Variants in LHX6 observed in about 807,000 individuals in gnomAD.
The protein encoded by LHX6 is LIM/homeobox protein Lhx6.
LHX6 carries 15 observed loss-of-function variants against 47.1 expected under a neutral mutation model. The observed-to-expected ratio is 0.32, with a 90% CI of 0.21 to 0.49. LHX6 has a LOEUF of 0.49. Among genes scored for constraint, LHX6 ranks in the 20% least tolerant of loss-of-function variants. The pLI is 0.99. For missense variants in LHX6, 404 were observed against 539.6 expected, an observed-to-expected ratio of 0.75 and a Z score of 2.49; for synonymous variants, 242 against 233.5, an observed-to-expected ratio of 1.04 and a Z score of -0.33.
chr9:122,214,397 A>G lies in LHX6; in HGVS notation c.683-14T>C. The G allele has an allele frequency of 6.4e-7, 1 of 1,551,534 alleles. No homozygotes were observed. Among genetic ancestry groups the G allele is most frequent in the South Asian group, 1.2e-5 (1 of 83,506 alleles). On this transcript the variant is annotated splice_polypyrimidine_tract_variant and intron_variant, in intron 5 of 9. Coordinates refer to ENST00000394319, the MANE Select transcript of LHX6 (RefSeq NM_014368.5). The surrounding 1 kb of genome is among the most constrained non-coding windows in gnomAD (Gnocchi z 4.6). ...TGAGGCCGTTCCCTGGGGGCGATAG[A>G]AGCAGCTGACCACGCGTCCCCATCT... is the stretch of plus-strand genomic sequence containing the variant.
At chr9:122,221,308 C>A (rs1830845589) in intron 4 of LHX6, 1 of 985,392 alleles carries the variant, frequency 1.0e-6, no homozygotes. Context: ...TCCCCCAGCT[C>A]CCCTCTCGGC....
rs938530051 is a variant in LHX6, at chr9:122,203,585, A to C, written c.*1175T>G. ...TGAGCCCTTTTGTTTGGGGTGGAAGAGTTGTAGCAGGATGGATGTTACGCA... is the reference window on the plus strand; with the variant it reads ...TGAGCCCTTTTGTTTGGGGTGGAAGCGTTGTAGCAGGATGGATGTTACGCA... On this transcript the variant is annotated 3_prime_UTR_variant, in exon 10 of 10. Coordinates refer to ENST00000394319, the MANE Select transcript of LHX6 (RefSeq NM_014368.5). 12 of 152,608 alleles carry C rather than the reference A, an allele frequency of 7.9e-5. No homozygotes were observed. Among genetic ancestry groups the C allele is most frequent in the Non-Finnish European group, 1.0e-4 (7 of 68,086 alleles). The allele number at this position is 152,608 out of a possible 1,614,324, so 9.5% of individuals were successfully genotyped here. A position where few individuals can be genotyped will look rare whatever the true frequency, so the allele number is the denominator to read the frequency against.
chr9:122,202,781 T>C lies in LHX6; in HGVS notation c.*1979A>G, dbSNP rs190568182. 1 of 152,722 alleles carries C rather than the reference T, an allele frequency of 6.5e-6. No homozygotes were observed. The highest frequency in any genetic ancestry group is 1.9e-4 in the East Asian group (1 of 5,188). The allele number at this position is 152,722 out of a possible 1,614,324, so 9.5% of individuals were successfully genotyped here. On this transcript the variant is annotated 3_prime_UTR_variant, in exon 10 of 10. Coordinates refer to ENST00000394319, the MANE Select transcript of LHX6 (RefSeq NM_014368.5). ...CTTGATGGCCTGTACGTTCCCAGGC[T>C]GCTCTTAACAGGGTAGTGGAGACAT...
rs559523868 is a variant in LHX6 at position 122,210,691 on chromosome 9, A to G, written c.1055-974T>C. On this transcript the variant is annotated intron_variant, in intron 8 of 9. Coordinates refer to ENST00000394319, the MANE Select transcript of LHX6 (RefSeq NM_014368.5). ...ATTCTCCCACCTTAGCCTCCTGAGT[A>G]GCTGGGACTACTGGCATGTACCATC... Among the ~76,000 whole-genome samples, 4 of 152,294 alleles carry G rather than the reference A, an allele frequency of 2.6e-5. No homozygotes were observed. In the South Asian group the frequency reaches 8.3e-4, roughly 32 times the overall value.
intron 1 of LHX6, chr9:122,228,313 C>T (rs775213575): frequency 6.5e-7 from 1 of 1,534,738 alleles, no homozygotes. Flanking sequence ...GTACCGGCCC[C>T]GCGTCGGGAT....
At chr9:122,209,589 C>T in intron 9 of LHX6, 25 bp downstream of exon 9, 1 of 1,613,644 alleles carries the variant, frequency 6.2e-7, no homozygotes, top group Non-Finnish European at 8.5e-7. Flanking sequence ...CTCTGACCCA[C>T]CAGACCCAAC....
At chr9:122,215,017 C>T (rs1439613670) in intron 5 of LHX6, among the ~76,000 whole-genome samples, 1 of 152,206 alleles carries the variant, frequency 6.6e-6, no homozygotes, top group Non-Finnish European at 1.5e-5. Flanking sequence ...TAGATATTCT[C>T]TTTCCACTCA....
At chr9:122,208,834 TAAAAAAA>T (rs34355404) in intron 9 of LHX6, among the ~76,000 whole-genome samples, 5 of 117,286 alleles carry the variant, frequency 4.3e-5, no homozygotes, top group Non-Finnish European at 5.2e-5. Context: ...AAACTCTGTC[TAAAAAAA>T]AAAAAAAAAA....
intron 4 of LHX6, among the ~76,000 whole-genome samples, chr9:122,225,550 G>A (rs1342613366): frequency 6.6e-6 from 1 of 152,274 alleles, no homozygotes; most frequent in African/African-American, 2.4e-5. Flanking sequence ...CTGCAGTAGG[G>A]AGAGCGCAGC....
rs41273919 is a variant in LHX6, at chr9:122,209,667, G to C, written c.1105C>G (p.Pro369Ala). 1 of 1,338,984 alleles carries C rather than the reference G, an allele frequency of 7.5e-7. No individual in the cohort carries two copies. The highest frequency in any genetic ancestry group is 1.1e-6 in the Non-Finnish European group (1 of 928,418). 82.9% of individuals were successfully genotyped at this position (1,338,984 alleles called of 1,614,324 possible). Residue 369 changes from proline (P) to alanine (A), a missense_variant, in exon 9 of 10, where the codon CCC becomes GCC. This residue lies in a region of LHX6 where 127 missense variants were observed against 116.1 expected (regional missense o/e 1.09). Transcript: ENST00000394319. ...VHCRLPYTAP[P>A]VHLKADMDGP... is the part of the protein sequence containing the mutation. ...TCCATATCGGCTTTGAGGTGGACGG[G>C]GGGTGCGGTGTAAGGCAGCCGGCAG...
chr9:122,213,815 G>C lies in LHX6; in HGVS notation c.880-35C>G. The C allele has an allele frequency of 3.9e-6, 6 of 1,556,616 alleles. No homozygotes were observed. Among genetic ancestry groups the C allele is most frequent in the Non-Finnish European group, 5.2e-6 (6 of 1,151,178 alleles). On this transcript the variant is annotated intron_variant, in intron 7 of 9. Coordinates refer to ENST00000394319, the MANE Select transcript of LHX6 (RefSeq NM_014368.5). This position sits in a 1 kb window ranked among gnomAD's most constrained non-coding sequence, Gnocchi z 5.5. ...CAGCCTCGGCAGCCTCAGCCTCGAG[G>C]AAAAGAGTCGGACGCGCCGCCGGGA...
chr9:122,226,365 C>T lies in LHX6; in HGVS notation c.461+11G>A, dbSNP rs780613956. On this transcript the variant is annotated intron_variant, in intron 4 of 9. Transcript: ENST00000394319. This position sits in a 1 kb window ranked among gnomAD's most constrained non-coding sequence, Gnocchi z 6.5. ...CTCGGCGACACTGCTGGCTCGGCGG[C>T]CGCAGCCTACCTGAAGTAGTCCATC... The T allele has an allele frequency of 1.9e-6, 3 of 1,606,282 alleles. No homozygotes were observed. Among genetic ancestry groups the T allele is most frequent in the Admixed American group, 3.4e-5 (2 of 58,956 alleles).
At chr9:122,228,107 C>T (rs1588367955) in intron 1 of LHX6, 2 of 564,044 alleles carry the variant, frequency 3.5e-6, no homozygotes, top group Middle Eastern at 5.0e-4. Flanking sequence ...GGTGAGCACC[C>T]GCCCGCCCGC....
In LHX6 at chr9:122,228,671, G is replaced by T; in HGVS notation, c.70C>A (p.Pro24Thr). 1 of 1,287,300 alleles carries T rather than the reference G, an allele frequency of 7.8e-7. No individual in the cohort carries two copies. The highest frequency in any genetic ancestry group is 9.8e-7 in the Non-Finnish European group (1 of 1,018,458). The allele number at this position is 1,287,300 out of a possible 1,614,324, so 79.7% of individuals were successfully genotyped here. The change falls in exon 1 of 10, where the codon CCC becomes ACC. Residue 24 changes from proline (P) to threonine (T), a missense_variant. Physicochemically the swap from Pro to Thr is conservative, Grantham distance 38 (BLOSUM62 -1). Around this residue, in one of 7 missense-constraint regions of LHX6, gnomAD observed 144 missense variants for 128.7 expected, o/e 1.12. Coordinates refer to ENST00000394319, the MANE Select transcript of LHX6 (RefSeq NM_014368.5). The part of the protein sequence containing the change: ...EGCRLPAEGG[P>T]ATDQVMAQPG... ...CGCCGGCTCACCTGGTCGGTGGCGG[G>T]GCCGCCCTCGGCCGGCAGCCGGCAG...
intron 9 of LHX6, among the ~76,000 whole-genome samples, chr9:122,209,071 A>C (rs1265180457): frequency 2.0e-5 from 3 of 152,206 alleles, no homozygotes; most frequent in African/African-American, 4.8e-5. Context: ...AAAGGGTTGC[A>C]TTGCTTCAGA....
chr9:122,228,719 C>T lies in LHX6; in HGVS notation c.22G>A (p.Ala8Thr), dbSNP rs1478002500. The change falls in exon 1 of 10, where the codon GCC (alanine) becomes ACC (threonine). Residue 8 changes from alanine to threonine, a missense_variant. Ala to Thr is a moderately conservative substitution (Grantham distance 58, BLOSUM62 0). Transcript: ENST00000394319. The part of the protein sequence containing the change: MYWKHEN[A>T]APALPEGCRL... Reference sequence around the variant, plus strand: ...CAGCCCTCGGGCAACGCCGGGGCGGCGTTCTCATGCTTCCAGTACATGGGC... The same window carrying T: ...CAGCCCTCGGGCAACGCCGGGGCGGTGTTCTCATGCTTCCAGTACATGGGC... 13 of 1,291,730 alleles carry T rather than the reference C, an allele frequency of 1.0e-5. No individual in the cohort carries two copies. Among genetic ancestry groups the T allele is most frequent in the Non-Finnish European group, 1.3e-5 (13 of 1,018,546 alleles). 80.0% of individuals were successfully genotyped at this position (1,291,730 alleles called of 1,614,324 possible).
chr9:122,218,551 T>C lies in LHX6; in HGVS notation c.462-1263A>G, dbSNP rs1030222551. Among the ~76,000 whole-genome samples, 3 of 152,216 alleles carry C rather than the reference T, an allele frequency of 2.0e-5. No homozygotes were observed. The East Asian group carries it at 5.8e-4, about 29-fold the overall frequency. On this transcript the variant is annotated intron_variant, in intron 4 of 9. Transcript: ENST00000394319. Reference sequence around the variant, plus strand: ...GTCAACCTCCTCCCCGGTCTCCCTGTTTCCAGTCTCGCCCCTGCCAACCCA... The same window carrying C: ...GTCAACCTCCTCCCCGGTCTCCCTGCTTCCAGTCTCGCCCCTGCCAACCCA...
intron 4 of LHX6, among the ~76,000 whole-genome samples, chr9:122,223,861 C>G (rs981098726): frequency 3.3e-5 from 5 of 152,302 alleles, no homozygotes; most frequent in Admixed American, 6.5e-5. Context: ...GTGAATAAGA[C>G]TGCCAAATCT....
chr9:122,216,181 CCT>C (rs1253726590), intron 5 of LHX6, among the ~76,000 whole-genome samples: 2 of 152,184 alleles, frequency 1.3e-5, no homozygotes, highest in Non-Finnish European at 2.9e-5. Flanking sequence ...CCACCTACTT[CCT>C]AGGGCTGTTG....
Sources: allele counts gnomAD v4.1 joint callset (sites outside exome capture counted in the v4.1 genomes callset), GRCh38; gene constraint gnomAD v4.1.1; regional missense constraint gnomAD v4.1.1; non-coding constraint Gnocchi (gnomAD v3.1); transcripts MANE v1.5; gene names NCBI Gene and HGNC (gene_info 2026-07-23, HGNC 2026-07-21).